Variants in METRNL observed in about 807,000 individuals in gnomAD.
METRNL encodes meteorin like, glial cell differentiation regulator.
A neutral mutation model predicts 17.4 loss-of-function variants in METRNL; 9 were observed. That is an observed-to-expected ratio of 0.52 (90% CI 0.31 to 0.90). The LOEUF is 0.90. Ranked by LOEUF, METRNL falls within the 40% of genes least tolerant of loss-of-function variation. The pLI is 0.05. For synonymous variants in METRNL, 215 were observed against 199.3 expected (o/e 1.08, Z -0.66); for missense variants, 408 against 430.7 (o/e 0.95, Z 0.47).
At chr17:83,082,834 T>C (rs932402320) in intron 1 of METRNL, among the ~76,000 whole-genome samples, 5 of 152,222 alleles carry the variant, frequency 3.3e-5, no homozygotes, top group East Asian at 1.9e-4. Flanking sequence ...ATCGTTTAAC[T>C]TTTTTTGTCT....
chr17:83,093,302 C>A, intron 3 of METRNL, 76 bp downstream of exon 3: 1 of 1,255,694 alleles, frequency 8.0e-7, no homozygotes, highest in African/African-American at 1.5e-5. Flanking sequence ...GCCCAGGAGT[C>A]CCTCTTCAGG....
chr17:83,087,861 T>G (rs1195328679), intron 2 of METRNL, among the ~76,000 whole-genome samples: 1 of 151,938 alleles, frequency 6.6e-6, no homozygotes, highest in African/African-American at 2.4e-5. Context: ...GAAGTTCCAG[T>G]TTGTGCTGAC....
At chr17:83,090,202 A>G (rs866944193) in intron 2 of METRNL, among the ~76,000 whole-genome samples, 2 of 35,658 alleles carry the variant, frequency 5.6e-5, no homozygotes, top group Non-Finnish European at 5.2e-5. Context: ...GGAGCCACAC[A>G]CCCCCGCCCC....
At position 83,094,326 on chromosome 17, in the gene METRNL, G is replaced by C. The variant is rs2038175782; in HGVS notation, c.687G>C (p.Val229=). Residue 229 remains valine, a synonymous_variant, in exon 4 of 4, where the codon GTG becomes GTC. Transcript: ENST00000320095. ...AGGACTCAGCCATCCACCTGCGCGTGAGCAGACTCTATCGGCAGAAAAGCA... is the reference window on the plus strand; with the variant it reads ...AGGACTCAGCCATCCACCTGCGCGTCAGCAGACTCTATCGGCAGAAAAGCA... ...ERQDSAIHLR[V]SRLYRQKSRV... 5 of 1,609,146 alleles carry C rather than the reference G, an allele frequency of 3.1e-6. No individual in the cohort carries two copies. In the East Asian group the frequency reaches 1.1e-4, roughly 36 times the overall value.
At chr17:83,081,661 C>T (rs1462474547) in intron 1 of METRNL, among the ~76,000 whole-genome samples, 1 of 144,428 alleles carries the variant, frequency 6.9e-6, no homozygotes, top group Admixed American at 6.7e-5. Context: ...CCAGAGGGGA[C>T]CCCCCCACAC....
chr17:83,085,181 C>T lies in METRNL; in HGVS notation c.414C>T (p.Pro138=), dbSNP rs779899356. The T allele has an allele frequency of 2.8e-5, 45 of 1,611,366 alleles. No individual in the cohort carries two copies. Among genetic ancestry groups the T allele is most frequent in the South Asian group, 5.5e-5 (5 of 90,946 alleles). Residue 138 remains proline (P), a synonymous_variant, in exon 2 of 4, where the codon CCC becomes CCT. Coordinates refer to ENST00000320095, the MANE Select transcript of METRNL (RefSeq NM_001004431.3). ...RLLVPDGDGR[P]GRVQCFGLEQ... The stretch of plus-strand genomic sequence containing the variant: ...TGGTACCAGACGGGGACGGCAGGCC[C>T]GGCCGGGTGCAGTGTTTTGGCCTGG...
rs149039130 is a variant in METRNL at position 83,085,465 on chromosome 17, T to G, written c.556+142T>G. On this transcript the variant is annotated intron_variant, in intron 2 of 3. Transcript: ENST00000320095. ...TCTGTGTCTGTGCTTCGGACATGAC[T>G]GTTTTGCCTGAAGAGCCCCCCAGGT... is the stretch of plus-strand genomic sequence containing the variant. The G allele has an allele frequency of 1.5e-3, 1,779 of 1,188,854 alleles. 6 individuals are homozygous for G. The highest frequency in any genetic ancestry group is 0.011 in the Middle Eastern group (38 of 3,354). The allele number at this position is 1,188,854 out of a possible 1,614,324, so 73.6% of individuals were successfully genotyped here.
At chr17:83,091,115 T>C (rs1001686697) in intron 2 of METRNL, among the ~76,000 whole-genome samples, 1 of 151,956 alleles carries the variant, frequency 6.6e-6, no homozygotes, top group Non-Finnish European at 1.5e-5. Context: ...GGCCAGAAGC[T>C]CCCATTCTGG....
At chr17:83,082,442 C>G (rs560368567) in intron 1 of METRNL, among the ~76,000 whole-genome samples, 1 of 152,242 alleles carries the variant, frequency 6.6e-6, no homozygotes, top group African/African-American at 2.4e-5. Flanking sequence ...ACAAGCATGT[C>G]CACCTGGGTG....
intron 1 of METRNL, chr17:83,083,926 C>T (rs1452809273): frequency 3.3e-5 from 5 of 152,218 alleles, no homozygotes; most frequent in Admixed American, 1.3e-4. Context: ...TCCAGGCCCA[C>T]TTGGTTATGA....
chr17:83,087,501 G>A (rs1051493946), intron 2 of METRNL, among the ~76,000 whole-genome samples: 1 of 152,180 alleles, frequency 6.6e-6, no homozygotes, highest in Non-Finnish European at 1.5e-5. Context: ...GGGTGGAGGG[G>A]CAGGAGGGAT....
At chr17:83,087,917 G>T (rs1243994046) in intron 2 of METRNL, among the ~76,000 whole-genome samples, 1 of 152,214 alleles carries the variant, frequency 6.6e-6, no homozygotes, top group Admixed American at 6.5e-5. Flanking sequence ...GACAGGAGAG[G>T]GTGTGTGAGC....
chr17:83,094,405 A>G lies in METRNL; in HGVS notation c.766A>G (p.Thr256Ala), dbSNP rs778578893. The G allele has an allele frequency of 6.2e-7, 1 of 1,609,694 alleles. No homozygotes were observed. The highest frequency in any genetic ancestry group is 8.5e-7 in the Non-Finnish European group (1 of 1,177,874). Residue 256 changes from threonine to alanine, a missense_variant, in exon 4 of 4, where the codon ACG becomes GCG. By Grantham distance (58) the Thr-to-Ala change is moderately conservative. Coordinates refer to ENST00000320095, the MANE Select transcript of METRNL (RefSeq NM_001004431.3). ...GDGHWQGRVR[T>A]LLECGVRPGH... ...CGGCCACTGGCAGGGGCGCGTCAGG[A>G]CGCTGCTGGAGTGTGGCGTGCGGCC...
At chr17:83,084,577 C>T in intron 1 of METRNL, 1 of 290,620 alleles carries the variant, frequency 3.4e-6, no homozygotes, top group Non-Finnish European at 6.5e-6. Context: ...GATTCAGGGA[C>T]ATCGCAGAGA....
At chr17:83,081,170 G>T (rs1423973325) in intron 1 of METRNL, among the ~76,000 whole-genome samples, 1 of 151,734 alleles carries the variant, frequency 6.6e-6, no homozygotes, top group African/African-American at 2.4e-5. Flanking sequence ...GGGGCCGCGG[G>T]CGGATGGAGG....
chr17:83,085,082 C>G lies in METRNL; in HGVS notation c.315C>G (p.Thr105=). 1 of 1,613,916 alleles carries G rather than the reference C, an allele frequency of 6.2e-7. No individual in the cohort carries two copies. The highest frequency in any genetic ancestry group is 8.5e-7 in the Non-Finnish European group (1 of 1,180,030). Residue 105 remains threonine (T), a synonymous_variant, in exon 2 of 4, where the codon ACC becomes ACG. Coordinates refer to ENST00000320095, the MANE Select transcript of METRNL (RefSeq NM_001004431.3). ...CCTTCTCGCCTGCCCGGCACCTGAC[C>G]GTGTGCATCAGGTCCTTCACGGACT... ...PNTFSPARHL[T]VCIRSFTDSS...
chr17:83,094,177 G>C, intron 3 of METRNL, 79 bp from the exon 4 acceptor site: 1 of 1,227,074 alleles, frequency 8.1e-7, no homozygotes, highest in Non-Finnish European at 1.1e-6. Flanking sequence ...CCATCGATGC[G>C]GGGGCAGGGG....
chr17:83,087,527 C>T (rs1315550532), intron 2 of METRNL, among the ~76,000 whole-genome samples: 2 of 152,164 alleles, frequency 1.3e-5, no homozygotes, highest in Admixed American at 6.5e-5. Context: ...GAGGCTGATA[C>T]CTCTCCTCTC....
At chr17:83,090,819 A>G (rs2038124210) in intron 2 of METRNL, among the ~76,000 whole-genome samples, 1 of 151,928 alleles carries the variant, frequency 6.6e-6, no homozygotes, top group African/African-American at 2.4e-5. Flanking sequence ...GCTGCCTGAA[A>G]TTTGAGATCC....
Sources: gnomAD v4.1 joint callset for allele counts (sites outside exome capture counted in the v4.1 genomes callset) on GRCh38, gnomAD v4.1.1 for gene constraint, MANE v1.5 for transcripts, NCBI Gene and HGNC (gene_info 2026-07-23, HGNC 2026-07-21) for gene names.